The following C10orf90 variants were observed in gnomAD, a reference collection of about 807,000 sequenced individuals.
C10orf90 encodes the protein chromosome 10 open reading frame 90.
A neutral mutation model predicts 62.5 loss-of-function variants in C10orf90; 56 were observed. The observed-to-expected ratio is 0.90, with a 90% confidence interval of 0.72 to 1.12. The LOEUF is 1.12. Among genes scored for constraint, C10orf90 ranks in the 50% most tolerant of loss-of-function variants. C10orf90 has a pLI of 0.00. For missense variants in C10orf90, 970 were observed against 880.4 expected (o/e 1.10, Z -1.29); for synonymous variants, 386 against 340.4 (o/e 1.13, Z -1.47).
intron 7 of C10orf90, among the ~76,000 whole-genome samples, chr10:126,454,538 C>G (rs529660750): frequency 1.3e-5 from 2 of 151,790 alleles, no homozygotes; most frequent in Admixed American, 1.3e-4. Flanking sequence ...TATGGTTTAC[C>G]CCTACTACCT....
At chr10:126,467,833 A>G (rs1021039455) in intron 4 of C10orf90, among the ~76,000 whole-genome samples, 6 of 152,184 alleles carry the variant, frequency 3.9e-5, no homozygotes, top group Non-Finnish European at 7.3e-5. Context: ...TTATATTTAC[A>G]ATGTAAAGAT....
At chr10:126,484,004 A>G (rs548690250) in intron 4 of C10orf90, among the ~76,000 whole-genome samples, 2 of 152,268 alleles carry the variant, frequency 1.3e-5, no homozygotes, top group East Asian at 1.9e-4. Flanking sequence ...GGCTTTGGAT[A>G]TTCCATAAGC....
intron 1 of C10orf90, among the ~76,000 whole-genome samples, chr10:126,654,616 G>T (rs1005174514): frequency 3.9e-5 from 6 of 152,200 alleles, no homozygotes; most frequent in Non-Finnish European, 7.3e-5. Flanking sequence ...GTTCACTGGA[G>T]TAGCACTTTT....
rs751479667 is a variant in C10orf90, at chr10:126,560,845, C to A, written c.314-46906G>T. The stretch of plus-strand genomic sequence containing the variant: ...AGAATTTTATTTCTGGACATTGAAA[C>A]GTGGATTTTGTATAATTTTTGCATG... On this transcript the variant is annotated intron_variant, in intron 2 of 9. Transcript: ENST00000488181. Among the ~76,000 whole-genome samples, 23 of 152,254 alleles carry A rather than the reference C, an allele frequency of 1.5e-4. No individual in the cohort carries two copies. In the East Asian group the frequency reaches 2.3e-3, roughly 15 times the overall value.
At chr10:126,465,110 G>C in intron 4 of C10orf90, 124 bp from the exon 5 acceptor site, 3 of 936,120 alleles carry the variant, frequency 3.2e-6, no homozygotes, top group Non-Finnish European at 4.8e-6. Flanking sequence ...TGCAAGTTCA[G>C]TTAGGAGGGC....
intron 2 of C10orf90, among the ~76,000 whole-genome samples, chr10:126,525,155 G>A (rs1161653365): frequency 6.6e-6 from 1 of 152,134 alleles, no homozygotes; most frequent in African/African-American, 2.4e-5. Flanking sequence ...GATGAGCACG[G>A]ATGAATTATT....
intron 2 of C10orf90, among the ~76,000 whole-genome samples, chr10:126,569,192 C>T (rs966207887): frequency 6.6e-6 from 1 of 152,158 alleles, no homozygotes; most frequent in Admixed American, 6.5e-5. Context: ...GGTGGGTAGC[C>T]ACAGGGTGGC....
At chr10:126,535,751 C>G (rs10901629) in intron 2 of C10orf90, among the ~76,000 whole-genome samples, 14 of 152,122 alleles carry the variant, frequency 9.2e-5, no homozygotes, top group African/African-American at 3.4e-4. Context: ...CCTTAGCCAG[C>G]CGAGCTTTTC....
intron 7 of C10orf90, among the ~76,000 whole-genome samples, chr10:126,451,119 C>G (rs1039608089): frequency 6.6e-6 from 1 of 151,672 alleles, no homozygotes; most frequent in East Asian, 1.9e-4. Context: ...CAGGGAAATG[C>G]AAATTAAAAC....
intron 1 of C10orf90, among the ~76,000 whole-genome samples, chr10:126,652,791 T>C (rs900269829): frequency 1.3e-5 from 2 of 152,162 alleles, no homozygotes; most frequent in Non-Finnish European, 2.9e-5. Context: ...ATGAAAGAGG[T>C]AGATTTCCCC....
chr10:126,568,940 A>G (rs756497160), intron 2 of C10orf90, among the ~76,000 whole-genome samples: 8 of 152,080 alleles, frequency 5.3e-5, no homozygotes, highest in Non-Finnish European at 8.8e-5. Context: ...CAGCCAAGGG[A>G]TGAGGCCGGG....
chr10:126,608,064 T>C (rs1009383957), intron 2 of C10orf90, among the ~76,000 whole-genome samples: 4 of 152,186 alleles, frequency 2.6e-5, no homozygotes, highest in Non-Finnish European at 5.9e-5. Context: ...TGAGGATAGA[T>C]GGTGGTCAAT....
At chr10:126,626,128 C>CAAA (rs35587001) in intron 2 of C10orf90, among the ~76,000 whole-genome samples, 3 of 109,906 alleles carry the variant, frequency 2.7e-5, no homozygotes, top group South Asian at 3.0e-4. Flanking sequence ...GATTCCATCT[C>CAAA]AAAAAAAAAA....
At chr10:126,532,694 G>A (rs1040435899) in intron 2 of C10orf90, among the ~76,000 whole-genome samples, 7 of 150,238 alleles carry the variant, frequency 4.7e-5, no homozygotes, top group Admixed American at 6.6e-5. Context: ...AAAATTAGCC[G>A]GGCATGGTGG....
At chr10:126,501,748 A>C (rs1591023323) in intron 4 of C10orf90, among the ~76,000 whole-genome samples, 2 of 152,286 alleles carry the variant, frequency 1.3e-5, no homozygotes, top group South Asian at 4.1e-4. Flanking sequence ...AGAAGGAATG[A>C]AATCATGTCT....
intron 4 of C10orf90, among the ~76,000 whole-genome samples, chr10:126,492,250 G>T (rs541945269): frequency 6.6e-6 from 1 of 152,294 alleles, no homozygotes; most frequent in African/African-American, 2.4e-5. Context: ...GTGCTAGGGG[G>T]AGAAGGGGAG....
At chr10:126,445,208 A>C (rs1201333351) in intron 7 of C10orf90, among the ~76,000 whole-genome samples, 1 of 152,202 alleles carries the variant, frequency 6.6e-6, no homozygotes, top group Non-Finnish European at 1.5e-5. Flanking sequence ...TGACAAAAGG[A>C]ACAGTCAGCA....
At chr10:126,446,072 T>C (rs1179538518) in intron 7 of C10orf90, among the ~76,000 whole-genome samples, 9 of 151,900 alleles carry the variant, frequency 5.9e-5, no homozygotes, top group Non-Finnish European at 2.9e-5. Context: ...GCTCGAGTGA[T>C]GGGTACATCA....
intron 1 of C10orf90, among the ~76,000 whole-genome samples, chr10:126,653,174 G>A (rs749963159): frequency 1.3e-5 from 2 of 152,200 alleles, no homozygotes; most frequent in Non-Finnish European, 2.9e-5. Context: ...TTTGCTGAAG[G>A]CTGCAGTGGC....
Sources: allele counts gnomAD v4.1 joint callset (sites outside exome capture counted in the v4.1 genomes callset), GRCh38; gene constraint gnomAD v4.1.1; transcripts MANE v1.5; gene names NCBI Gene and HGNC (gene_info 2026-07-23, HGNC 2026-07-21).